CDH13: variants seen among roughly 807,000 people sequenced by gnomAD.
CDH13 encodes cadherin-13.
CDH13 carries 24 observed loss-of-function variants against 63.8 expected under a neutral mutation model. The ratio of observed to expected loss-of-function variants is 0.38; its 90% CI spans 0.27 to 0.53. The LOEUF (loss-of-function observed/expected upper bound fraction) is 0.53. Among genes scored for constraint, CDH13 ranks in the 20% least tolerant of loss-of-function variants. The probability of loss-of-function intolerance (pLI) is 0.85; values close to 1 mark genes in which losing one functional copy is unlikely to be tolerated. For missense variants in CDH13, 1,049 were observed against 903.1 expected (o/e 1.16, Z -2.07); for synonymous variants, 503 against 355.3 (o/e 1.42, Z -4.67).
chr16:83,154,426 G>A (rs1254429276), intron 4 of CDH13, among the ~76,000 whole-genome samples: 5 of 151,900 alleles, frequency 3.3e-5, no homozygotes, highest in Admixed American at 2.6e-4. Flanking sequence ...AATTAGCAAG[G>A]TGTGGTGGCA....
chr16:82,905,589 A>T (rs1597183321), intron 2 of CDH13, among the ~76,000 whole-genome samples: 1 of 152,180 alleles, frequency 6.6e-6, no homozygotes, highest in African/African-American at 2.4e-5. Context: ...CTTAACCAGT[A>T]CTGTCTCATA....
intron 2 of CDH13, among the ~76,000 whole-genome samples, chr16:83,001,265 C>T (rs1056256990): frequency 6.6e-6 from 1 of 152,360 alleles, no homozygotes; most frequent in Admixed American, 6.5e-5. Flanking sequence ...TTAAGTCGTT[C>T]TTGCAATTGA....
At position 82,967,728 on chromosome 16, in the gene CDH13, A is replaced by G. The variant is rs1367936863; in HGVS notation, c.158-64282A>G. Among the ~76,000 whole-genome samples the G allele has an allele frequency of 2.0e-5, 3 of 152,174 alleles. No individual in the cohort carries two copies. In the East Asian group the frequency reaches 5.8e-4, roughly 29 times the overall value. ...TTTGTGGCAAGAACCTCATGGCAGT[A>G]TTGTGTCCTTCACAGTGCTTTGTAT... On this transcript the variant is annotated intron_variant, in intron 2 of 13. Coordinates refer to ENST00000567109, the MANE Select transcript of CDH13 (RefSeq NM_001257.5).
At chr16:83,528,746 T>C (rs1374847878) in intron 7 of CDH13, among the ~76,000 whole-genome samples, 2 of 152,236 alleles carry the variant, frequency 1.3e-5, no homozygotes, top group Non-Finnish European at 2.9e-5. Context: ...AGAGTTATCA[T>C]GCTGAACACA....
intron 6 of CDH13, among the ~76,000 whole-genome samples, chr16:83,440,910 G>A (rs1411107298): frequency 2.0e-5 from 3 of 151,928 alleles, no homozygotes; most frequent in Non-Finnish European, 4.4e-5. Context: ...ACCCATGACT[G>A]TGACCTACCT....
intron 10 of CDH13, among the ~76,000 whole-genome samples, chr16:83,730,984 G>T (rs1432298604): frequency 6.6e-6 from 1 of 152,208 alleles, no homozygotes; most frequent in Non-Finnish European, 1.5e-5. Flanking sequence ...TTGCTGCAAA[G>T]AACACAATTT....
chr16:83,395,405 C>T (rs1419706420), intron 6 of CDH13, among the ~76,000 whole-genome samples: 2 of 152,028 alleles, frequency 1.3e-5, no homozygotes, highest in South Asian at 2.1e-4. Flanking sequence ...TCCTGTTTGC[C>T]AGTGGTCATC....
At chr16:83,130,607 C>T (rs976641525) in intron 4 of CDH13, among the ~76,000 whole-genome samples, 6 of 152,164 alleles carry the variant, frequency 3.9e-5, no homozygotes, top group African/African-American at 1.4e-4. Context: ...CATATGGGTA[C>T]TTGCTGTACA....
intron 5 of CDH13, among the ~76,000 whole-genome samples, chr16:83,277,865 C>T (rs956303242): frequency 1.3e-5 from 2 of 151,850 alleles, no homozygotes; most frequent in African/African-American, 2.4e-5. Context: ...ATAAAGGATC[C>T]TGAAACCAAA....
Position 83,798,197 on chromosome 16 carries a change from A to G in CDH13, c.*3167A>G, listed in dbSNP as rs946065817. ...CCATCACACTCATAGAGTAGCTCAAATTGCATTTTACCCAAATAAATACAC... is the reference window on the plus strand; with the variant it reads ...CCATCACACTCATAGAGTAGCTCAAGTTGCATTTTACCCAAATAAATACAC... On this transcript the variant is annotated 3_prime_UTR_variant, in exon 14 of 14. Coordinates refer to ENST00000567109, the MANE Select transcript of CDH13 (RefSeq NM_001257.5). The G allele has an allele frequency of 6.6e-6, 1 of 152,210 alleles. No individual in the cohort carries two copies. Among genetic ancestry groups the G allele is most frequent in the Non-Finnish European group, 1.5e-5 (1 of 68,032 alleles). 9.4% of individuals were successfully genotyped at this position (152,210 alleles called of 1,614,324 possible). A position where few individuals can be genotyped will look rare whatever the true frequency, so the allele number is the denominator to read the frequency against.
intron 3 of CDH13, among the ~76,000 whole-genome samples, chr16:83,114,391 C>T (rs991129379): frequency 4.6e-5 from 7 of 152,132 alleles, no homozygotes; most frequent in African/African-American, 1.7e-4. Context: ...ACCCATTTCT[C>T]CCGTATGGGG....
At chr16:82,865,077 G>T (rs1390340752) in intron 2 of CDH13, among the ~76,000 whole-genome samples, 4 of 152,240 alleles carry the variant, frequency 2.6e-5, no homozygotes, top group Non-Finnish European at 2.9e-5. Flanking sequence ...TCACCCTGAT[G>T]CAAGAGGTGG....
intron 5 of CDH13, among the ~76,000 whole-genome samples, chr16:83,279,677 C>G (rs1212736992): frequency 6.6e-6 from 1 of 152,144 alleles, no homozygotes; most frequent in Non-Finnish European, 1.5e-5. Flanking sequence ...AGCTTCCTCT[C>G]TCACAACATG....
At chr16:82,724,363 G>T (rs2151026154) in intron 1 of CDH13, among the ~76,000 whole-genome samples, 1 of 152,162 alleles carries the variant, frequency 6.6e-6, no homozygotes, top group Non-Finnish European at 1.5e-5. Context: ...ATGCTCATTT[G>T]CCAGGTGCCA....
At chr16:83,304,598 G>A (rs1349311566) in intron 5 of CDH13, among the ~76,000 whole-genome samples, 28 of 152,168 alleles carry the variant, frequency 1.8e-4, no homozygotes, top group Admixed American at 1.8e-3. Flanking sequence ...ATCTTGGCCA[G>A]CTGGATAAAT....
chr16:83,608,273 G>A (rs962481793), intron 8 of CDH13, among the ~76,000 whole-genome samples: 3 of 152,190 alleles, frequency 2.0e-5, no homozygotes, highest in African/African-American at 7.2e-5. Context: ...GCTGGAAAAT[G>A]AGAGATGGGC....
At chr16:83,613,505 C>T (rs973780513) in intron 8 of CDH13, among the ~76,000 whole-genome samples, 7 of 152,148 alleles carry the variant, frequency 4.6e-5, no homozygotes, top group Non-Finnish European at 7.3e-5. Context: ...CCAATCCTCT[C>T]TTCTGTCTAA....
intron 5 of CDH13, among the ~76,000 whole-genome samples, chr16:83,254,998 T>G (rs1173799852): frequency 6.5e-5 from 2 of 30,742 alleles, no homozygotes; most frequent in Non-Finnish European, 1.2e-4. Flanking sequence ...TTTCTTTCTT[T>G]CTTTCTTTCT....
intron 1 of CDH13, among the ~76,000 whole-genome samples, chr16:82,663,981 G>A (rs1481277932): frequency 6.6e-6 from 1 of 152,174 alleles, no homozygotes; most frequent in Non-Finnish European, 1.5e-5. Context: ...GGGCTCTCAG[G>A]ACTCTTTTGG....
Sources: allele counts gnomAD v4.1 joint callset (sites outside exome capture counted in the v4.1 genomes callset), GRCh38; gene constraint gnomAD v4.1.1; transcripts MANE v1.5; gene names NCBI Gene and HGNC (gene_info 2026-07-23, HGNC 2026-07-21).